The following BANK1 variants were observed in gnomAD, a reference collection of about 807,000 sequenced individuals.
The protein encoded by BANK1 is B-cell scaffold protein with ankyrin repeats.
BANK1 carries 95 observed loss-of-function variants against 94.5 expected under a neutral mutation model. The observed-to-expected ratio is 1.00, with a 90% CI of 0.85 to 1.19. The LOEUF (loss-of-function observed/expected upper bound fraction) is 1.19, where lower values mean the gene tolerates loss of function less well. Among genes scored for constraint, BANK1 ranks in the 50% most tolerant of loss-of-function variants. The probability of loss-of-function intolerance (pLI) is 0.00; values close to 1 mark genes in which losing one functional copy is unlikely to be tolerated. For missense variants in BANK1, 987 were observed against 932.2 expected, an observed-to-expected ratio of 1.06 and a Z score of -0.77; for synonymous variants, 334 against 308.4, an observed-to-expected ratio of 1.08 and a Z score of -0.87.
chr4:101,991,816 T>A (rs575903972), intron 7 of BANK1, among the ~76,000 whole-genome samples: 33 of 152,354 alleles, frequency 2.2e-4, no homozygotes, highest in Admixed American at 6.5e-4. Flanking sequence ...TTTGTACACA[T>A]ACGTGTGTAT....
At chr4:101,858,343 A>G (rs1050746298) in intron 3 of BANK1, among the ~76,000 whole-genome samples, 1 of 152,168 alleles carries the variant, frequency 6.6e-6, no homozygotes, top group African/African-American at 2.4e-5. Context: ...ACAGTGACAC[A>G]TTTGGTCCAA....
chr4:101,829,785 G>A, intron 1 of BANK1, 23 bp from the exon 2 acceptor site: 2 of 1,445,444 alleles, frequency 1.4e-6, no homozygotes, highest in South Asian at 2.9e-5. Flanking sequence ...GCAAATATAA[G>A]AAAATATTTT....
At chr4:101,970,970 C>G (rs182334051) in intron 7 of BANK1, among the ~76,000 whole-genome samples, 4 of 152,068 alleles carry the variant, frequency 2.6e-5, no homozygotes, top group African/African-American at 9.7e-5. Flanking sequence ...TCATAGCGTG[C>G]AGGCGTGTAA....
intron 3 of BANK1, among the ~76,000 whole-genome samples, chr4:101,858,783 T>C (rs181617551): frequency 1.3e-5 from 2 of 152,294 alleles, no homozygotes; most frequent in East Asian, 3.9e-4. Context: ...TGGATCTATA[T>C]TAATTTTATT....
chr4:101,792,469 G>GTGTGTGTT (rs1458927726), intron 1 of BANK1, among the ~76,000 whole-genome samples: 7 of 97,644 alleles, frequency 7.2e-5, no homozygotes, highest in Middle Eastern at 5.6e-3. Flanking sequence ...GTGTGTGTGT[G>GTGTGTGTT]TTTTTTTTTT....
intron 7 of BANK1, 51 bp from the exon 8 acceptor site, chr4:102,021,463 T>G (rs573871838): frequency 1.4e-6 from 1 of 717,070 alleles, no homozygotes; most frequent in South Asian, 2.3e-5. Context: ...AGGCATCCAG[T>G]GCATATTTAT....
chr4:101,983,817 C>T (rs1271484754), intron 7 of BANK1, among the ~76,000 whole-genome samples: 1 of 152,036 alleles, frequency 6.6e-6, no homozygotes, highest in Non-Finnish European at 1.5e-5. Flanking sequence ...AGCTTATTTA[C>T]TTTCAATATT....
chr4:102,025,506 C>T lies in BANK1; in HGVS notation c.1591C>T (p.Pro531Ser), dbSNP rs1725306562. 6.2e-7 allele frequency: 1 copy of T among 1,607,796 alleles called. No homozygotes were observed. The highest frequency in any genetic ancestry group is 1.1e-5 in the South Asian group (1 of 91,022). The change falls in exon 9 of 17, where the codon CCA becomes TCA. Residue 531 changes from proline to serine, a missense_variant. By Grantham distance (74) the Pro-to-Ser change is moderately conservative (BLOSUM62 -1). Transcript: ENST00000322953. Reference protein sequence around the residue: ...FQLERPHFTLPGTMVEGQMER... With the variant: ...FQLERPHFTLSGTMVEGQMER... ...ACTGGAAAGACCTCACTTCACCTTA[C>T]CAGGTAAGTTTAAGGTTAGAAAAAA... is the stretch of plus-strand genomic sequence containing the variant.
chr4:102,019,944 G>A (rs181579648), intron 7 of BANK1, among the ~76,000 whole-genome samples: 1 of 151,916 alleles, frequency 6.6e-6, no homozygotes, highest in African/African-American at 2.4e-5. Flanking sequence ...GACATTATTG[G>A]GTTCAGGGTA....
At chr4:101,845,200 C>A (rs1439385256) in intron 2 of BANK1, among the ~76,000 whole-genome samples, 1 of 151,854 alleles carries the variant, frequency 6.6e-6, no homozygotes, top group East Asian at 1.9e-4. Context: ...CAAAATAGCT[C>A]ACATACCCCA....
At chr4:102,044,763 T>G (rs1291272425) in intron 11 of BANK1, among the ~76,000 whole-genome samples, 1 of 84,064 alleles carries the variant, frequency 1.2e-5, no homozygotes. Context: ...GGTTTTGATT[T>G]GCATTTCTCT....
At chr4:101,954,786 C>T (rs1724282964) in intron 7 of BANK1, among the ~76,000 whole-genome samples, 1 of 152,076 alleles carries the variant, frequency 6.6e-6, no homozygotes, top group Non-Finnish European at 1.5e-5. Context: ...TTATGTAATG[C>T]TACACACATT....
chr4:101,947,179 G>C (rs1200281116), intron 7 of BANK1, among the ~76,000 whole-genome samples: 1 of 150,656 alleles, frequency 6.6e-6, no homozygotes, highest in Non-Finnish European at 1.5e-5. Context: ...TATTCATTAG[G>C]GTTTTACATT....
At chr4:102,004,252 T>C (rs73834550) in intron 7 of BANK1, among the ~76,000 whole-genome samples, 211 of 152,290 alleles carry the variant, frequency 1.4e-3, no homozygotes, top group African/African-American at 4.3e-3. Flanking sequence ...TGAATGTATG[T>C]GTGAATAGAT....
At chr4:101,849,344 T>C (rs913662709) in intron 2 of BANK1, among the ~76,000 whole-genome samples, 9 of 152,154 alleles carry the variant, frequency 5.9e-5, no homozygotes, top group Non-Finnish European at 7.3e-5. Flanking sequence ...GTTATGAGAA[T>C]ATAGGTCCAA....
chr4:101,841,391 T>C (rs143277937), intron 2 of BANK1, among the ~76,000 whole-genome samples: 1,526 of 152,224 alleles, frequency 0.01, 27 homozygotes, highest in African/African-American at 0.034. Context: ...GCATAAATTA[T>C]AAGTATAGGA....
intron 6 of BANK1, among the ~76,000 whole-genome samples, chr4:101,901,748 GC>G (rs1415067932): frequency 4.5e-5 from 2 of 44,630 alleles, no homozygotes; most frequent in East Asian, 7.0e-4. Context: ...ATCTCCAGAC[GC>G]TTTTTGTTTT....
chr4:101,877,186 T>C (rs1728522302), intron 5 of BANK1, among the ~76,000 whole-genome samples: 1 of 151,996 alleles, frequency 6.6e-6, no homozygotes, highest in South Asian at 2.1e-4. Context: ...GATATCAATG[T>C]CCAAACATGA....
intron 7 of BANK1, among the ~76,000 whole-genome samples, chr4:101,932,831 A>G (rs1400496623): frequency 1.3e-5 from 2 of 151,542 alleles, no homozygotes; most frequent in Admixed American, 1.3e-4. Flanking sequence ...ACAAAACAAT[A>G]GATTTTGTGC....
Sources: allele counts gnomAD v4.1 joint callset (sites outside exome capture counted in the v4.1 genomes callset), GRCh38; gene constraint gnomAD v4.1.1; transcripts MANE v1.5; gene names NCBI Gene and HGNC (gene_info 2026-07-23, HGNC 2026-07-21).